Variants in ADAM8 observed in about 807,000 individuals in gnomAD.
The protein encoded by ADAM8 is disintegrin and metalloproteinase domain-containing protein 8.
A neutral mutation model predicts 102.4 loss-of-function variants in ADAM8; 104 were observed. That is an observed-to-expected ratio of 1.02 (90% CI 0.87 to 1.20). The LOEUF is 1.20. ADAM8 is among the 50% of genes most tolerant of loss of function. The pLI, the probability that ADAM8 is intolerant of heterozygous loss-of-function variation, is 0.00. For synonymous variants in ADAM8, 517 were observed against 485.2 expected (o/e 1.07, Z -0.86); for missense variants, 1,132 against 1,159.0 (o/e 0.98, Z 0.34).
At chr10:133,269,749 C>A (rs1846456545) in intron 17 of ADAM8, 148 bp downstream of exon 17, 1 of 1,047,348 alleles carries the variant, frequency 9.5e-7, no homozygotes, top group East Asian at 2.5e-5. Context: ...CGGGCCTCAG[C>A]CGACAGGGGC....
intron 21 of ADAM8, among the ~76,000 whole-genome samples, chr10:133,265,756 C>A (rs1476164837): frequency 6.6e-6 from 1 of 152,010 alleles, no homozygotes; most frequent in East Asian, 1.9e-4. Flanking sequence ...TGAGATCGCG[C>A]CACTGCACTC....
At chr10:133,276,121 C>G (rs1426397306) in intron 1 of ADAM8, 1 of 154,980 alleles carries the variant, frequency 6.5e-6, no homozygotes, top group African/African-American at 2.4e-5. Flanking sequence ...CCACCAACCC[C>G]AGGACCCTTT....
chr10:133,275,939 C>CAA (rs2136097327), intron 1 of ADAM8: 1 of 238,466 alleles, frequency 4.2e-6, no homozygotes, highest in East Asian at 8.3e-5. Flanking sequence ...ACTCGGGCCG[C>CAA]CGACCTGCCC....
chr10:133,269,027 C>T, intron 18 of ADAM8, 165 bp from the exon 19 acceptor site: 2 of 985,488 alleles, frequency 2.0e-6, no homozygotes, highest in Non-Finnish European at 2.4e-6. Context: ...TTGCCAGTGA[C>T]AGGTTGGAGA....
intron 2 of ADAM8, chr10:133,274,728 G>A (rs1846683657): frequency 6.6e-6 from 2 of 305,102 alleles, no homozygotes; most frequent in Non-Finnish European, 1.3e-5. Context: ...GGCGGGGATA[G>A]CACGCACAGG....
chr10:133,273,390 C>T lies in ADAM8; in HGVS notation c.437G>A (p.Gly146Asp). ...DLHLIEPLDE[G>D]GEGGRHAVYQ... ...CACGGCGTGCCGTCCGCCCTCGCCACCTTCATCCAGGGGCTCGATCAGGTG... is the reference window on the plus strand; with the variant it reads ...CACGGCGTGCCGTCCGCCCTCGCCATCTTCATCCAGGGGCTCGATCAGGTG... Residue 146 changes from glycine to aspartate, a missense_variant, in exon 6 of 23, where the codon GGT becomes GAT. By Grantham distance (94) the Gly-to-Asp change is moderately conservative. Transcript: ENST00000445355. The T allele has an allele frequency of 6.4e-7, 1 of 1,550,388 alleles. No homozygotes were observed. Among genetic ancestry groups the T allele is most frequent in the Non-Finnish European group, 8.7e-7 (1 of 1,147,042 alleles).
chr10:133,269,676 C>T, intron 17 of ADAM8, 147 bp from the exon 18 acceptor site: 1 of 951,734 alleles, frequency 1.1e-6, no homozygotes, highest in East Asian at 2.7e-5. Flanking sequence ...CGAGGCCTCT[C>T]CATGTAGCCC....
rs538199355 is a variant in ADAM8 at position 133,263,015 on chromosome 10, C to G, written c.*141G>C. On this transcript the variant is annotated 3_prime_UTR_variant, in exon 23 of 23. Transcript: ENST00000445355. ...ACAGCAGGAGCCTCTCAGGTAGATG[C>G]ATTCCTGAGGTTAGAACAGCAGCTG... 4.9e-5 allele frequency: 49 copies of G among 1,004,674 alleles called. No homozygotes were observed. The highest frequency in any genetic ancestry group is 6.8e-5 in the Non-Finnish European group (43 of 633,528). The allele number at this position is 1,004,674 out of a possible 1,614,324, so 62.2% of individuals were successfully genotyped here.
chr10:133,271,349 G>A, intron 12 of ADAM8, 60 bp from the exon 13 acceptor site: 1 of 1,557,738 alleles, frequency 6.4e-7, no homozygotes, highest in Admixed American at 1.9e-5. Context: ...CTCCAGGGCG[G>A]ACCTGGCCGC....
In ADAM8 at chr10:133,271,621, G is replaced by A. The variant is rs1202144552; in HGVS notation, c.1191C>T (p.Ala397=). The part of the protein sequence containing the change: ...FLERPQSVCL[A]NAPDLSHLVG... Reference sequence around the variant, plus strand: ...CCAGGTGGCTGAGGTCAGGGGCGTTGGCGAGGCACACCGACTGCGGCCGCT... The same window carrying A: ...CCAGGTGGCTGAGGTCAGGGGCGTTAGCGAGGCACACCGACTGCGGCCGCT... The change falls in exon 12 of 23, where the codon GCC becomes GCT. Residue 397 remains alanine, a synonymous_variant. Transcript: ENST00000445355. The A allele has an allele frequency of 6.4e-7, 1 of 1,556,140 alleles. No individual in the cohort carries two copies. Among genetic ancestry groups the A allele is most frequent in the Admixed American group, 2.0e-5 (1 of 51,232 alleles).
intron 16 of ADAM8, 99 bp downstream of exon 16, chr10:133,270,261 C>T (rs553392313): frequency 8.9e-6 from 13 of 1,452,842 alleles, no homozygotes; most frequent in South Asian, 1.3e-5. Flanking sequence ...GTTCCCATGG[C>T]CTCGAGCAGC....
chr10:133,262,775 G>C lies in ADAM8; in HGVS notation c.*381C>G. On this transcript the variant is annotated 3_prime_UTR_variant, in exon 23 of 23. Coordinates refer to ENST00000445355, the MANE Select transcript of ADAM8 (RefSeq NM_001109.5). The stretch of plus-strand genomic sequence containing the variant: ...TGTGCTGCCTGGAACCGGGTGCCCA[G>C]GGCAGCCGGCTCAGCAGGCCCCAGA... 1 of 225,646 alleles carries C rather than the reference G, an allele frequency of 4.4e-6. No individual in the cohort carries two copies. Among genetic ancestry groups the C allele is most frequent in the African/African-American group, 2.3e-5 (1 of 43,532 alleles). The allele number at this position is 225,646 out of a possible 1,614,324, so 14.0% of individuals were successfully genotyped here.
In ADAM8 at chr10:133,268,055, G is replaced by A. The variant is rs190736479; in HGVS notation, c.2127C>T (p.Arg709=). Reference sequence around the variant, plus strand: ...CTGGAGCCCCGCCCTTGGCCGGCACGCGGCTGGCAGCCTGGTGGAACAGGG... The same window carrying A: ...CTGGAGCCCCGCCCTTGGCCGGCACACGGCTGGCAGCCTGGTGGAACAGGG... ...SNPLFHQAAS[R]VPAKGGAPAP... is the part of the protein sequence containing the mutation. The change falls in exon 20 of 23, where the codon CGC becomes CGT. Residue 709 remains arginine, a synonymous_variant. Coordinates refer to ENST00000445355, the MANE Select transcript of ADAM8 (RefSeq NM_001109.5). 459 of 1,267,246 alleles carry A rather than the reference G, an allele frequency of 3.6e-4. 6 individuals are homozygous for A. In the African/African-American group the frequency reaches 5.9e-3, roughly 16 times the overall value. 78.5% of individuals were successfully genotyped at this position (1,267,246 alleles called of 1,614,324 possible). A position where few individuals can be genotyped will look rare whatever the true frequency, so the allele number is the denominator to read the frequency against.
chr10:133,269,415 G>A lies in ADAM8; in HGVS notation c.1948+30C>T, dbSNP rs2136080607. 3.4e-6 allele frequency: 5 copies of A among 1,492,124 alleles called. No individual in the cohort carries two copies. The East Asian group carries it at 9.6e-5, about 29-fold the overall frequency. The allele number at this position is 1,492,124 out of a possible 1,614,324, so 92.4% of individuals were successfully genotyped here. A position where few individuals can be genotyped will look rare whatever the true frequency, so the allele number is the denominator to read the frequency against. On this transcript the variant is annotated intron_variant, in intron 18 of 22. Coordinates refer to ENST00000445355, the MANE Select transcript of ADAM8 (RefSeq NM_001109.5). ...TCGGGCCCTCTGAGCTTGGACCCCA[G>A]CCCCACCTGCGCTGGCCAGGGAGGC...
chr10:133,272,302 T>C lies in ADAM8; in HGVS notation c.876-28A>G, dbSNP rs367830732. On this transcript the variant is annotated intron_variant, in intron 9 of 22. Transcript: ENST00000445355. ...GGAAGTGGGAGTGACACAGATGCCC[T>C]GGACACGGCTCCCTCCCCACTTCCC... The C allele has an allele frequency of 2.7e-3, 3,993 of 1,500,968 alleles. 24 individuals carry two copies. The highest frequency in any genetic ancestry group is 0.016 in the Middle Eastern group (87 of 5,410). The allele number at this position is 1,500,968 out of a possible 1,614,324, so 93.0% of individuals were successfully genotyped here.
At chr10:133,270,645 A>G in intron 15 of ADAM8, 91 bp downstream of exon 15, 1 of 1,538,178 alleles carries the variant, frequency 6.5e-7, no homozygotes. Flanking sequence ...GCAGACCCTC[A>G]TGGGAGCAGG....
chr10:133,271,232 A>T lies in ADAM8; in HGVS notation c.1342T>A (p.Cys448Ser), dbSNP rs1846513926. 1 of 1,611,728 alleles carries T rather than the reference A, an allele frequency of 6.2e-7. No homozygotes were observed. Among genetic ancestry groups the T allele is most frequent in the Non-Finnish European group, 8.5e-7 (1 of 1,179,786 alleles). The change falls in exon 13 of 23, where the codon TGT becomes AGT. Residue 448 changes from cysteine to serine, a missense_variant. Transcript: ENST00000445355. ...TTCQLAEGAQ[C>S]AHGTCCQECK... ...TCCTGGCAGCAGGTACCGTGCGCAC[A>T]CTGGGCCCCCTCAGCCAGCTGGCAG...
At chr10:133,264,984 G>A (rs1244300356) in intron 21 of ADAM8, among the ~76,000 whole-genome samples, 2 of 125,606 alleles carry the variant, frequency 1.6e-5, no homozygotes, top group Admixed American at 8.3e-5. Flanking sequence ...CTACCTCCAC[G>A]CCTGTTCCTG....
rs1846506438 is a variant in ADAM8, at chr10:133,271,055, C to A, written c.1390G>T (p.Glu464Ter). 5 of 1,611,152 alleles carry A rather than the reference C, an allele frequency of 3.1e-6. No individual in the cohort carries two copies. The South Asian group carries it at 5.5e-5, about 18-fold the overall frequency. Reference protein sequence around the residue: ...CQECKVKPAGELCRPKKDMCD... With the variant: ...CQECKVKPAG Reference sequence around the variant, plus strand: ...ATGTCCTTCTTGGGACGGCACAGCTCACCAGCCGGCTTCACCTGGCCCAGC... The same window carrying A: ...ATGTCCTTCTTGGGACGGCACAGCTAACCAGCCGGCTTCACCTGGCCCAGC... The change falls in exon 14 of 23, where the codon GAG (glutamate) becomes TAG (stop). Residue 464 changes from glutamate to a stop codon, truncating the protein, a stop_gained. Transcript: ENST00000445355. LOFTEE classifies it high-confidence loss of function.
Sources: gnomAD v4.1 joint callset for allele counts (sites outside exome capture counted in the v4.1 genomes callset) on GRCh38, gnomAD v4.1.1 for gene constraint, MANE v1.5 for transcripts, NCBI Gene and HGNC (gene_info 2026-07-23, HGNC 2026-07-21) for gene names.